RAP1GAP2: variants seen among roughly 807,000 people sequenced by gnomAD.
RAP1GAP2 encodes rap1 GTPase-activating protein 2.
RAP1GAP2 carries 27 observed loss-of-function variants against 95.0 expected under a neutral mutation model. The observed-to-expected ratio is 0.28, with a 90% CI of 0.21 to 0.39. The LOEUF is 0.39. Among genes scored for constraint, RAP1GAP2 ranks in the 10% least tolerant of loss-of-function variants. The pLI is 1.00. For missense variants in RAP1GAP2, 771 were observed against 970.0 expected (o/e 0.79, Z 2.72); for synonymous variants, 373 against 380.9 (o/e 0.98, Z 0.24).
rs563315230 is a variant in RAP1GAP2 at position 3,036,707 on chromosome 17, T to C, written c.*3346T>C. ...TGTTCACCCACCCTCAGCTTCCCTT[T>C]TCCTAAATTAAGAGGAAAAGTGGTC... On this transcript the variant is annotated 3_prime_UTR_variant, in exon 25 of 25. Transcript: ENST00000254695. 1.3e-5 allele frequency: 2 copies of C among 152,630 alleles called. No individual in the cohort carries two copies. The highest frequency in any genetic ancestry group is 2.9e-5 in the Non-Finnish European group (2 of 68,032). 9.5% of individuals were successfully genotyped at this position (152,630 alleles called of 1,614,324 possible). A position where few individuals can be genotyped will look rare whatever the true frequency, so the allele number is the denominator to read the frequency against.
chr17:2,947,850 G>T (rs2151447278), intron 3 of RAP1GAP2, among the ~76,000 whole-genome samples: 1 of 152,156 alleles, frequency 6.6e-6, no homozygotes. Context: ...CTTTTCCTTG[G>T]TCATGTCTTC....
chr17:2,798,165 C>T (rs1250948139), intron 1 of RAP1GAP2, among the ~76,000 whole-genome samples: 1 of 152,134 alleles, frequency 6.6e-6, no homozygotes, highest in Non-Finnish European at 1.5e-5. Flanking sequence ...ACTGGGGCTT[C>T]CTTAATGAAA....
intron 2 of RAP1GAP2, among the ~76,000 whole-genome samples, chr17:2,884,168 C>T (rs367602678): frequency 2.0e-5 from 3 of 152,164 alleles, no homozygotes; most frequent in African/African-American, 7.2e-5. Flanking sequence ...CATCCTCTTA[C>T]GCCAGGACTC....
Position 2,965,759 on chromosome 17 carries a change from C to T in RAP1GAP2, c.596+116C>T. The T allele has an allele frequency of 2.5e-6, 2 of 786,670 alleles. No homozygotes were observed. Among genetic ancestry groups the T allele is most frequent in the Non-Finnish European group, 4.1e-6 (2 of 484,482 alleles). The allele number at this position is 786,670 out of a possible 1,614,324, so 48.7% of individuals were successfully genotyped here. A position where few individuals can be genotyped will look rare whatever the true frequency, so the allele number is the denominator to read the frequency against. On this transcript the variant is annotated intron_variant, in intron 8 of 24. Transcript: ENST00000254695. The surrounding 1 kb of genome is among the most constrained non-coding windows in gnomAD (Gnocchi z 4.7). The stretch of plus-strand genomic sequence containing the variant: ...GACTGACCAGTCTGGTCTGGGTGCA[C>T]TGGCTGACGGGGACAGGCCTGCTGG...
chr17:3,002,485 G>A (rs1358305504), intron 14 of RAP1GAP2, among the ~76,000 whole-genome samples: 1 of 152,178 alleles, frequency 6.6e-6, no homozygotes, highest in Non-Finnish European at 1.5e-5. Flanking sequence ...CACACTCCCG[G>A]CAGCACCCCA....
chr17:2,868,852 GTCTGTTTGAGCTGCTATCACAAAA>G (rs1202976627), intron 2 of RAP1GAP2, among the ~76,000 whole-genome samples: 4 of 152,096 alleles, frequency 2.6e-5, no homozygotes, highest in South Asian at 2.1e-4. Context: ...CTTTGTCTGT[GTCTGTTTGAGCTGCTATCACAAAA>G]TACCATAGAC....
upstream of RAP1GAP2, among the ~76,000 whole-genome samples, chr17:2,796,230 G>C (rs2069076980): frequency 6.6e-6 from 1 of 152,220 alleles, no homozygotes. The surrounding 1 kb of genome is among the most constrained non-coding windows in gnomAD (Gnocchi z 4.7). Context: ...AACTGGGGCT[G>C]TGGAGCAATC....
rs2042211383 is a variant in RAP1GAP2, at chr17:2,906,799, TACTC to T, written c.165+1433_165+1436del. ...CTGAATTCTCTTGGCAGATTTTACT[TACTC>T]ATGTACTCATTTAATTCATTTAATA... On this transcript the variant is annotated intron_variant, in intron 3 of 24. Coordinates refer to ENST00000254695, the MANE Select transcript of RAP1GAP2 (RefSeq NM_015085.5). The surrounding 1 kb of genome is among the most constrained non-coding windows in gnomAD (Gnocchi z 4.3). Among the ~76,000 whole-genome samples the T allele has an allele frequency of 6.6e-6, 1 of 152,190 alleles. No individual in the cohort carries two copies.
In RAP1GAP2 at chr17:2,965,386, G is replaced by T; in HGVS notation, c.493-154G>T. On this transcript the variant is annotated intron_variant, in intron 7 of 24. Coordinates refer to ENST00000254695, the MANE Select transcript of RAP1GAP2 (RefSeq NM_015085.5). This position sits in a 1 kb window ranked among gnomAD's most constrained non-coding sequence, Gnocchi z 4.7. ...CCTGGCGCCTCCTGAGGATCCGGCC[G>T]TCGGTACCTGTTAATGTCGTTGTCA... 1.6e-6 allele frequency: 1 copy of T among 642,732 alleles called. No homozygotes were observed. The highest frequency in any genetic ancestry group is 1.9e-5 in the South Asian group (1 of 52,084). The allele number at this position is 642,732 out of a possible 1,614,324, so 39.8% of individuals were successfully genotyped here. A position where few individuals can be genotyped will look rare whatever the true frequency, so the allele number is the denominator to read the frequency against.
chr17:2,837,191 C>T (rs1278012799), intron 2 of RAP1GAP2, among the ~76,000 whole-genome samples: 2 of 149,394 alleles, frequency 1.3e-5, no homozygotes, highest in African/African-American at 5.0e-5. Context: ...GTTGAGGCTG[C>T]AGTAAGCTAT....
Position 2,797,554 on chromosome 17 carries a change from G to A in RAP1GAP2, c.44+983G>A, listed in dbSNP as rs1339359815. 3.4e-6 allele frequency: 1 copy of A among 293,562 alleles called. No homozygotes were observed. Among genetic ancestry groups the A allele is most frequent in the Non-Finnish European group, 5.1e-6 (1 of 197,876 alleles). The allele number at this position is 293,562 out of a possible 1,614,324, so 18.2% of individuals were successfully genotyped here. A position where few individuals can be genotyped will look rare whatever the true frequency, so the allele number is the denominator to read the frequency against. Reference sequence around the variant, plus strand: ...CTAATGGGGGTGGCACGAAGGGCGAGGGGGAGAGGGGCTGTGTTCCTCGGT... The same window carrying A: ...CTAATGGGGGTGGCACGAAGGGCGAAGGGGAGAGGGGCTGTGTTCCTCGGT... On this transcript the variant is annotated intron_variant, in intron 1 of 24. Coordinates refer to ENST00000254695, the MANE Select transcript of RAP1GAP2 (RefSeq NM_015085.5). This position sits in a 1 kb window ranked among gnomAD's most constrained non-coding sequence, Gnocchi z 5.6.
intron 2 of RAP1GAP2, among the ~76,000 whole-genome samples, chr17:2,820,386 C>T (rs1156414828): frequency 6.6e-6 from 1 of 152,076 alleles, no homozygotes; most frequent in East Asian, 1.9e-4. Flanking sequence ...TTTGGCAGGC[C>T]AAGGTGGGCG....
intron 3 of RAP1GAP2, among the ~76,000 whole-genome samples, chr17:2,927,249 G>A (rs1297793841): frequency 1.3e-5 from 2 of 151,710 alleles, no homozygotes; most frequent in African/African-American, 4.8e-5. Flanking sequence ...CGCCTCCCGG[G>A]TTCAGGCCGT....
At chr17:2,846,154 C>G (rs11078377) in intron 2 of RAP1GAP2, among the ~76,000 whole-genome samples, 118,076 of 150,544 alleles carry the variant, frequency 0.78, 46,870 homozygotes, top group African/African-American at 0.92. Flanking sequence ...CTGCACTCCA[C>G]CCTGGGCAAC....
chr17:3,001,557 G>A (rs2046160640), intron 14 of RAP1GAP2, among the ~76,000 whole-genome samples: 6 of 128,070 alleles, frequency 4.7e-5, no homozygotes, highest in Admixed American at 4.5e-4. Flanking sequence ...GCAGGTCCAA[G>A]CACCAGGCTG....
chr17:2,757,408 C>T (rs984189401), intron 1 of RAP1GAP2, among the ~76,000 whole-genome samples: 2 of 152,226 alleles, frequency 1.3e-5, no homozygotes, highest in African/African-American at 2.4e-5. Flanking sequence ...AGGCATGAGC[C>T]ACCGTGCCCC....
intron 2 of RAP1GAP2, among the ~76,000 whole-genome samples, chr17:2,897,006 C>G (rs181093850): frequency 1.7e-3 from 259 of 152,308 alleles, no homozygotes; most frequent in African/African-American, 5.9e-3. Context: ...CCCTCTCCCC[C>G]TTCTGTCCCC....
intron 1 of RAP1GAP2, chr17:2,800,057 C>T (rs533585544): frequency 2.8e-4 from 113 of 407,420 alleles, no homozygotes; most frequent in Middle Eastern, 1.3e-3. Flanking sequence ...GGGATGCTTG[C>T]GTCTTCCCAA....
chr17:2,958,706 C>G (rs1298559225), intron 4 of RAP1GAP2, among the ~76,000 whole-genome samples: 2 of 151,992 alleles, frequency 1.3e-5, no homozygotes, highest in African/African-American at 4.8e-5. Context: ...TGTCATGATG[C>G]TTTTTACCAT....
Sources: gnomAD v4.1 joint callset for allele counts (sites outside exome capture counted in the v4.1 genomes callset) on GRCh38, gnomAD v4.1.1 for gene constraint, Gnocchi (gnomAD v3.1) non-coding constraint, MANE v1.5 for transcripts, NCBI Gene and HGNC (gene_info 2026-07-23, HGNC 2026-07-21) for gene names.